Variants in CLEC16A observed in about 807,000 individuals in gnomAD.
The protein encoded by CLEC16A is protein CLEC16A.
In CLEC16A, 51 loss-of-function variants were observed where a neutral mutation model predicts 109.5. That is an observed-to-expected ratio of 0.47 (90% confidence interval 0.37 to 0.59). The LOEUF (loss-of-function observed/expected upper bound fraction) is 0.59. Among genes scored for constraint, CLEC16A ranks in the 20% least tolerant of loss-of-function variants. The probability of loss-of-function intolerance (pLI) is 0.00; values close to 1 mark genes in which losing one functional copy is unlikely to be tolerated. For synonymous variants in CLEC16A, 673 were observed against 564.2 expected, an observed-to-expected ratio of 1.19 and a Z score of -2.73; for missense variants, 1,339 against 1,394.0, an observed-to-expected ratio of 0.96 and a Z score of 0.63.
chr16:11,079,096 G>T (rs1044691222), intron 19 of CLEC16A, among the ~76,000 whole-genome samples: 1 of 152,176 alleles, frequency 6.6e-6, no homozygotes, highest in Non-Finnish European at 1.5e-5. Context: ...CTACATGTGT[G>T]CTCAGAAGGT....
chr16:11,071,433 G>A (rs761614666), intron 19 of CLEC16A, among the ~76,000 whole-genome samples: 54 of 152,278 alleles, frequency 3.5e-4, no homozygotes, highest in Middle Eastern at 6.8e-3. Flanking sequence ...CGAAGGTAGA[G>A]GGGTACTGTT....
chr16:11,027,870 C>T, intron 13 of CLEC16A: 1 of 639,630 alleles, frequency 1.6e-6, no homozygotes, highest in Admixed American at 2.5e-5. Flanking sequence ...TTATTTCCTG[C>T]TCTGTCTTCA....
At chr16:10,977,505 G>GT (rs369227509) in intron 8 of CLEC16A, 106 bp downstream of exon 8, 29,827 of 852,000 alleles carry the variant, frequency 0.035, 3 homozygotes, top group South Asian at 0.046. Context: ...CAGGACTGAG[G>GT]TTTTTTTTTT....
At chr16:11,037,773 TCCCCAC>T (rs532281117) in intron 13 of CLEC16A, among the ~76,000 whole-genome samples, 6 of 137,418 alleles carry the variant, frequency 4.4e-5, no homozygotes, top group East Asian at 2.1e-4. Flanking sequence ...GAGCTTTTAT[TCCCCAC>T]CCCCACCCCC....
intron 16 of CLEC16A, among the ~76,000 whole-genome samples, chr16:11,044,437 A>G (rs947653610): frequency 2.0e-5 from 3 of 152,258 alleles, no homozygotes; most frequent in Non-Finnish European, 4.4e-5. Flanking sequence ...ATGCTTACAC[A>G]TATAAAATTA....
intron 3 of CLEC16A, 28 bp downstream of exon 3, chr16:10,962,616 T>TAC (rs748989015): frequency 3.6e-5 from 58 of 1,609,972 alleles, no homozygotes; most frequent in Non-Finnish European, 4.8e-5. Flanking sequence ...TATTTGCCTC[T>TAC]GTGCTGCTGT....
chr16:11,030,759 C>G (rs1267910184), intron 13 of CLEC16A, among the ~76,000 whole-genome samples: 1 of 152,216 alleles, frequency 6.6e-6, no homozygotes, highest in Non-Finnish European at 1.5e-5. Context: ...ATTCTCCTGC[C>G]TCAGCCTCCA....
chr16:10,993,236 G>C (rs910106282), intron 10 of CLEC16A, among the ~76,000 whole-genome samples: 6 of 152,084 alleles, frequency 3.9e-5, no homozygotes, highest in Non-Finnish European at 8.8e-5. Flanking sequence ...AAAATTAACC[G>C]GGCGTGATGA....
At chr16:10,992,624 A>G (rs1037064221) in intron 10 of CLEC16A, among the ~76,000 whole-genome samples, 1 of 151,984 alleles carries the variant, frequency 6.6e-6, no homozygotes, top group Non-Finnish European at 1.5e-5. Context: ...TGGGTGGGTC[A>G]TTTTCTGACA....
chr16:10,967,020 TG>T (rs765310757), intron 3 of CLEC16A, among the ~76,000 whole-genome samples: 4 of 152,174 alleles, frequency 2.6e-5, no homozygotes, highest in Non-Finnish European at 4.4e-5. Context: ...ATTGACTCCT[TG>T]CTTGGAGGGA....
intron 19 of CLEC16A, among the ~76,000 whole-genome samples, chr16:11,114,220 C>CT: frequency 6.6e-6 from 1 of 151,344 alleles, no homozygotes; most frequent in East Asian, 2.0e-4. Flanking sequence ...TTCCCCTCAT[C>CT]TGTGAATGGC....
At chr16:11,081,883 G>A (rs1228026954) in intron 19 of CLEC16A, among the ~76,000 whole-genome samples, 1 of 152,108 alleles carries the variant, frequency 6.6e-6, no homozygotes, top group Non-Finnish European at 1.5e-5. Context: ...GAGAACAAAA[G>A]TAGCCAGGTG....
intron 10 of CLEC16A, among the ~76,000 whole-genome samples, chr16:10,987,450 T>C (rs1313764563): frequency 6.6e-6 from 1 of 152,206 alleles, no homozygotes; most frequent in Admixed American, 6.5e-5. Context: ...ATATGGCCTC[T>C]TCTTAGGATG....
chr16:11,070,985 T>A (rs148478676), intron 19 of CLEC16A: 45 of 152,368 alleles, frequency 3.0e-4, no homozygotes, highest in African/African-American at 1.1e-3. Flanking sequence ...ATCATAAAGA[T>A]TCTGCAGGAT....
intron 19 of CLEC16A, among the ~76,000 whole-genome samples, chr16:11,073,988 G>A (rs555018179): frequency 1.4e-4 from 21 of 152,308 alleles, no homozygotes; most frequent in South Asian, 8.3e-4. Flanking sequence ...CATTTGAATA[G>A]TCAGGTTCCC....
chr16:11,027,685 G>C (rs1264321763), intron 13 of CLEC16A: 3 of 1,575,250 alleles, frequency 1.9e-6, no homozygotes, highest in Non-Finnish European at 2.6e-6. Flanking sequence ...ACCAAAAATA[G>C]AGTGGGCTTC....
chr16:10,970,983 C>A, intron 4 of CLEC16A, 142 bp from the exon 5 acceptor site: 4 of 617,070 alleles, frequency 6.5e-6, no homozygotes, highest in Non-Finnish European at 1.1e-5. Context: ...GAATGAACCA[C>A]TGACTTACGG....
Position 11,106,120 on chromosome 16 carries a change from T to G in CLEC16A, c.2117-14495T>G, listed in dbSNP as rs1597397823. 2.0e-5 allele frequency among the ~76,000 whole-genome samples: 3 copies of G among 152,354 alleles called. No individual in the cohort carries two copies. The South Asian group carries it at 6.2e-4, about 32-fold the overall frequency. On this transcript the variant is annotated intron_variant, in intron 19 of 23. Transcript: ENST00000409790. ...GATTCTGCATACTGACCAGTCACCT[T>G]GTGTCAAATCTGTTGTAATTTGCCT...
At position 11,156,756 on chromosome 16, in the gene CLEC16A, C is replaced by T. The variant is rs1357292107; in HGVS notation, c.2642-9632C>T. ...CCTTGGGAATCAAGCCCAGCCCTGGCGACCTTCAGTTCTAGAAATCCAAAG... is the reference window on the plus strand; with the variant it reads ...CCTTGGGAATCAAGCCCAGCCCTGGTGACCTTCAGTTCTAGAAATCCAAAG... On this transcript the variant is annotated intron_variant, in intron 22 of 23. Coordinates refer to ENST00000409790, the MANE Select transcript of CLEC16A (RefSeq NM_015226.3). 11 of 966,012 alleles carry T rather than the reference C, an allele frequency of 1.1e-5. No individual in the cohort carries two copies. The East Asian group carries it at 6.2e-4, about 54-fold the overall frequency. The allele number at this position is 966,012 out of a possible 1,614,324, so 59.8% of individuals were successfully genotyped here. A position where few individuals can be genotyped will look rare whatever the true frequency, so the allele number is the denominator to read the frequency against.
Sources: allele counts gnomAD v4.1 joint callset (sites outside exome capture counted in the v4.1 genomes callset), GRCh38; gene constraint gnomAD v4.1.1; transcripts MANE v1.5; gene names NCBI Gene and HGNC (gene_info 2026-07-23, HGNC 2026-07-21).